ANKMY2: variants seen among roughly 807,000 people sequenced by gnomAD.
The protein encoded by ANKMY2 is ankyrin repeat and MYND domain containing 2, also known as ankyrin repeat and MYND domain-containing protein 2.
In ANKMY2, 36 loss-of-function variants were observed where a neutral mutation model predicts 50.4. The ratio of observed to expected loss-of-function variants is 0.71; its 90% CI spans 0.55 to 0.94. The LOEUF (loss-of-function observed/expected upper bound fraction) is 0.94. Among genes scored for constraint, ANKMY2 ranks in the 40% least tolerant of loss-of-function variants. The probability of loss-of-function intolerance (pLI) is 0.00; values close to 1 mark genes in which losing one functional copy is unlikely to be tolerated. For missense variants in ANKMY2, 565 were observed against 524.0 expected, an observed-to-expected ratio of 1.08 and a Z score of -0.76; for synonymous variants, 187 against 178.8, an observed-to-expected ratio of 1.05 and a Z score of -0.36.
chr7:16,610,691 C>G lies in ANKMY2; in HGVS notation c.604G>C (p.Asp202His), dbSNP rs760668638. ...TTCATACATTTCTCACAAATCAAAT[C>G]CATCACTCTGTAGCATTTATTCAGG... Reference protein sequence around the residue: ...AALNKCYRVMDLICEKCMKQR... With the variant: ...AALNKCYRVMHLICEKCMKQR... Residue 202 changes from aspartate to histidine, a missense_variant, in exon 6 of 10, where the codon GAT becomes CAT. By Grantham distance (81) the Asp-to-His change is moderately conservative. Coordinates refer to ENST00000306999, the MANE Select transcript of ANKMY2 (RefSeq NM_020319.3). 6.2e-7 allele frequency: 1 copy of G among 1,613,974 alleles called. No homozygotes were observed. The highest frequency in any genetic ancestry group is 1.7e-5 in the Admixed American group (1 of 60,024).
intron 4 of ANKMY2, 65 bp from the exon 5 acceptor site, chr7:16,615,969 A>G: frequency 7.5e-6 from 11 of 1,458,746 alleles, no homozygotes; most frequent in Non-Finnish European, 1.0e-5. Flanking sequence ...GGTTTTTAAA[A>G]TTAATTATGT....
At chr7:16,635,308 T>C (rs1275982308) in intron 2 of ANKMY2, among the ~76,000 whole-genome samples, 1 of 152,104 alleles carries the variant, frequency 6.6e-6, no homozygotes, top group Non-Finnish European at 1.5e-5. Context: ...CAAACTAATA[T>C]ATTGTGACTA....
chr7:16,622,131 G>A (rs1027805785), intron 4 of ANKMY2, among the ~76,000 whole-genome samples: 2 of 151,866 alleles, frequency 1.3e-5, no homozygotes, highest in Non-Finnish European at 2.9e-5. Context: ...GGAAGAGGAG[G>A]ACTGGCATAA....
intron 5 of ANKMY2, among the ~76,000 whole-genome samples, chr7:16,614,414 T>C (rs1781308220): frequency 6.6e-6 from 1 of 152,184 alleles, no homozygotes; most frequent in African/African-American, 2.4e-5. Flanking sequence ...TTTTCTAAAA[T>C]AAAAATAGCA....
intron 1 of ANKMY2, among the ~76,000 whole-genome samples, chr7:16,640,130 C>T (rs892800330): frequency 3.3e-5 from 5 of 152,066 alleles, no homozygotes; most frequent in East Asian, 1.9e-4. Context: ...CGCGCCACTG[C>T]ACTCCAGCTT....
In ANKMY2 at chr7:16,602,418, T is replaced by C. The variant is rs1237897788; in HGVS notation, c.1103A>G (p.Gln368Arg). The part of the protein sequence containing the change: ...KNLKDIYEKQ[Q>R]LEAAKEKRQE... The stretch of plus-strand genomic sequence containing the variant: ...TCTCTTTTCTTTGGCAGCCTCCAAC[T>C]GTTGCTTTTCGTAAATGTCCTTCAG... Residue 368 changes from glutamine to arginine, a missense_variant, in exon 9 of 10, where the codon CAG (glutamine) becomes CGG (arginine). Coordinates refer to ENST00000306999, the MANE Select transcript of ANKMY2 (RefSeq NM_020319.3). 1 of 1,613,788 alleles carries C rather than the reference T, an allele frequency of 6.2e-7. No individual in the cohort carries two copies. Among genetic ancestry groups the C allele is most frequent in the African/African-American group, 1.3e-5 (1 of 74,928 alleles).
At chr7:16,608,040 C>T (rs1490434839) in intron 7 of ANKMY2, among the ~76,000 whole-genome samples, 2 of 152,030 alleles carry the variant, frequency 1.3e-5, no homozygotes, top group East Asian at 1.9e-4. Flanking sequence ...TCAAATGCCT[C>T]GTAACCATGA....
chr7:16,618,417 C>T (rs1261287854), intron 4 of ANKMY2, among the ~76,000 whole-genome samples: 1 of 151,974 alleles, frequency 6.6e-6, no homozygotes, highest in African/African-American at 2.4e-5. Flanking sequence ...TGAAAATTAA[C>T]AGACATCTCA....
Position 16,610,665 on chromosome 7 carries a change from C to T in ANKMY2, c.630G>A (p.Lys210=), listed in dbSNP as rs747657844. 6.2e-6 allele frequency: 10 copies of T among 1,613,948 alleles called. No individual in the cohort carries two copies. The Admixed American group carries it at 6.7e-5, about 11-fold the overall frequency. ...CCAATACTTCATTCATGTCTCTTTGCTTCATACATTTCTCACAAATCAAAT... is the reference window on the plus strand; with the variant it reads ...CCAATACTTCATTCATGTCTCTTTGTTTCATACATTTCTCACAAATCAAAT... ...VMDLICEKCM[K]QRDMNEVLAM... is the part of the protein sequence containing the mutation. The change falls in exon 6 of 10, where the codon AAG becomes AAA. Residue 210 remains lysine (K), a synonymous_variant. Coordinates refer to ENST00000306999, the MANE Select transcript of ANKMY2 (RefSeq NM_020319.3).
At chr7:16,604,943 T>C (rs557489717) in intron 7 of ANKMY2, 94 bp from the exon 8 acceptor site, 5 of 1,241,936 alleles carry the variant, frequency 4.0e-6, no homozygotes, top group African/African-American at 1.5e-5. Flanking sequence ...CGTCCTACAA[T>C]GTGACACAAA....
At position 16,624,851 on chromosome 7, in the gene ANKMY2, C is replaced by A. The variant is rs111329102; in HGVS notation, c.370+132G>T. The A allele has an allele frequency of 3.0e-3, 2,035 of 676,898 alleles. 30 individuals are homozygous for A. The African/African-American group carries it at 0.033, about 11-fold the overall frequency. 41.9% of individuals were successfully genotyped at this position (676,898 alleles called of 1,614,324 possible). ...AGTCACTAGGTGTTTCATTAAGTTA[C>A]AGTGGACTGTAAATACTTAAGTTTT... On this transcript the variant is annotated intron_variant, in intron 4 of 9. Transcript: ENST00000306999.
chr7:16,608,684 T>C (rs1027065124), intron 7 of ANKMY2, among the ~76,000 whole-genome samples: 10 of 152,024 alleles, frequency 6.6e-5, no homozygotes, highest in African/African-American at 2.4e-4. Flanking sequence ...TGGGTATAGA[T>C]AGGGTAAACA....
intron 2 of ANKMY2, among the ~76,000 whole-genome samples, chr7:16,629,566 CA>C (rs1177055827): frequency 1.3e-5 from 2 of 151,972 alleles, no homozygotes; most frequent in African/African-American, 4.8e-5. Context: ...CTATCCCAAT[CA>C]TGTCATCTGC....
intron 4 of ANKMY2, among the ~76,000 whole-genome samples, chr7:16,621,289 T>C (rs1322649244): frequency 1.3e-5 from 2 of 152,146 alleles, no homozygotes; most frequent in African/African-American, 4.8e-5. Flanking sequence ...CAATTAAATA[T>C]TACTGAAAGA....
intron 8 of ANKMY2, among the ~76,000 whole-genome samples, chr7:16,604,069 C>G (rs1355208401): frequency 3.3e-5 from 5 of 152,208 alleles, no homozygotes; most frequent in African/African-American, 1.2e-4. Context: ...AAGTAGGTCA[C>G]AGCAGATTAT....
At chr7:16,605,973 A>G (rs1437979392) in intron 7 of ANKMY2, among the ~76,000 whole-genome samples, 2 of 151,018 alleles carry the variant, frequency 1.3e-5, no homozygotes, top group Non-Finnish European at 3.0e-5. Context: ...GTGAGCCACC[A>G]CACCTGGCCA....
chr7:16,637,628 C>A (rs1275692739), intron 1 of ANKMY2, among the ~76,000 whole-genome samples: 3 of 152,152 alleles, frequency 2.0e-5, no homozygotes, highest in Non-Finnish European at 4.4e-5. Context: ...TATGCAAGGG[C>A]AAAGCTCTTG....
chr7:16,612,893 T>C (rs973657102), intron 5 of ANKMY2, among the ~76,000 whole-genome samples: 1 of 152,216 alleles, frequency 6.6e-6, no homozygotes, highest in Non-Finnish European at 1.5e-5. Context: ...TATATTTCTA[T>C]TGGCATTAAA....
At chr7:16,621,400 T>C (rs1216843384) in intron 4 of ANKMY2, among the ~76,000 whole-genome samples, 1 of 152,206 alleles carries the variant, frequency 6.6e-6, no homozygotes, top group Non-Finnish European at 1.5e-5. Context: ...TGCAAATAAT[T>C]ATATAATCAT....
Sources: allele counts gnomAD v4.1 joint callset (sites outside exome capture counted in the v4.1 genomes callset), GRCh38; gene constraint gnomAD v4.1.1; transcripts MANE v1.5; gene names NCBI Gene and HGNC (gene_info 2026-07-23, HGNC 2026-07-21).